ATP11A: variants seen among roughly 807,000 people sequenced by gnomAD.
ATP11A encodes phospholipid-transporting ATPase IH.
Under a neutral mutation model 154.4 loss-of-function variants are expected in ATP11A, and 81 were observed. That is an observed-to-expected ratio of 0.52 (90% CI 0.44 to 0.63). The LOEUF is 0.63. Among genes scored for constraint, ATP11A ranks in the 30% least tolerant of loss-of-function variants. The pLI is 0.00. For synonymous variants in ATP11A, 623 were observed against 585.9 expected, an observed-to-expected ratio of 1.06 and a Z score of -0.91; for missense variants, 1,316 against 1,474.3, an observed-to-expected ratio of 0.89 and a Z score of 1.76.
intron 1 of ATP11A, among the ~76,000 whole-genome samples, chr13:112,721,481 C>T (rs1318213220): frequency 6.6e-6 from 1 of 152,224 alleles, no homozygotes; most frequent in African/African-American, 2.4e-5. Flanking sequence ...GAGGTGGTGT[C>T]ACCCTGGCAG....
intron 5 of ATP11A, among the ~76,000 whole-genome samples, chr13:112,811,063 T>C (rs2078480245): frequency 6.6e-6 from 1 of 152,006 alleles, no homozygotes; most frequent in Admixed American, 6.6e-5. Flanking sequence ...CTTTTTTTTT[T>C]TTTTACCTTT....
Position 112,810,737 on chromosome 13 carries a change from C to T in ATP11A, c.441+11C>T, listed in dbSNP as rs746044804. On this transcript the variant is annotated intron_variant, in intron 5 of 29. Transcript: ENST00000375645. Reference sequence around the variant, plus strand: ...AGTCGAAAGCTGCGAGTAAGTGACACCCGACACATTTACGCTGGTGAAGTC... The same window carrying T: ...AGTCGAAAGCTGCGAGTAAGTGACATCCGACACATTTACGCTGGTGAAGTC... The T allele has an allele frequency of 3.7e-6, 6 of 1,611,482 alleles. No individual in the cohort carries two copies. The African/African-American group carries it at 8.0e-5, about 22-fold the overall frequency.
At position 112,807,289 on chromosome 13, in the gene ATP11A, G is replaced by A. The variant is rs1187226549; in HGVS notation, c.333+996G>A. 6.6e-6 allele frequency among the ~76,000 whole-genome samples: 1 copy of A among 152,222 alleles called. No homozygotes were observed. Among genetic ancestry groups the A allele is most frequent in the Non-Finnish European group, 1.5e-5 (1 of 68,046 alleles). On this transcript the variant is annotated intron_variant, in intron 4 of 29. Coordinates refer to ENST00000375645, the MANE Select transcript of ATP11A (RefSeq NM_015205.3). This position sits in a 1 kb window ranked among gnomAD's most constrained non-coding sequence, Gnocchi z 4.5. ...TGATAAACATGCAGCTGTGCAGTCAGTACATGGGGCCTGTGTGTCTTCACT... is the reference window on the plus strand; with the variant it reads ...TGATAAACATGCAGCTGTGCAGTCAATACATGGGGCCTGTGTGTCTTCACT...
chr13:112,727,666 A>G (rs979561166), intron 1 of ATP11A, among the ~76,000 whole-genome samples: 1 of 152,148 alleles, frequency 6.6e-6, no homozygotes, highest in African/African-American at 2.4e-5. Context: ...CAGGGCCCGC[A>G]CAGGCCCCAT....
chr13:112,768,210 GA>G (rs1278943609), intron 1 of ATP11A, among the ~76,000 whole-genome samples: 1 of 152,242 alleles, frequency 6.6e-6, no homozygotes, highest in African/African-American at 2.4e-5. Context: ...GCCCTGTGAT[GA>G]GCTACATGGG....
At chr13:112,707,154 A>G (rs1887229637) in intron 1 of ATP11A, among the ~76,000 whole-genome samples, 1 of 152,088 alleles carries the variant, frequency 6.6e-6, no homozygotes, top group African/African-American at 2.4e-5. Flanking sequence ...GGTGGCTCAC[A>G]CCTGTAATCC....
chr13:112,776,445 A>G (rs572771607), intron 1 of ATP11A, among the ~76,000 whole-genome samples: 56 of 152,322 alleles, frequency 3.7e-4, no homozygotes, highest in African/African-American at 1.3e-3. Flanking sequence ...CTCAAAAGGC[A>G]GGTGTCTATG....
chr13:112,777,301 C>T (rs1160733199), intron 1 of ATP11A, among the ~76,000 whole-genome samples: 27 of 152,212 alleles, frequency 1.8e-4, no homozygotes, highest in Admixed American at 1.5e-3. Context: ...TGGTGGCTCA[C>T]GCCCGTAATC....
rs1886009788 is a variant in ATP11A at position 112,697,487 on chromosome 13, C to T, written c.39+7032C>T. 6.6e-6 allele frequency among the ~76,000 whole-genome samples: 1 copy of T among 152,126 alleles called. No homozygotes were observed. Among genetic ancestry groups the T allele is most frequent in the Non-Finnish European group, 1.5e-5 (1 of 68,032 alleles). On this transcript the variant is annotated intron_variant, in intron 1 of 29. Transcript: ENST00000375645. This position sits in a 1 kb window ranked among gnomAD's most constrained non-coding sequence, Gnocchi z 4.0. Reference sequence around the variant, plus strand: ...CGGAAGGGAATTCAGGGAGAGCAGCCGCAGTGCCCTGTCCCCAGAGCCTGG... The same window carrying T: ...CGGAAGGGAATTCAGGGAGAGCAGCTGCAGTGCCCTGTCCCCAGAGCCTGG...
At chr13:112,756,831 A>ACGGGGCCTGCTCCCAGCG (rs1470043396) in intron 1 of ATP11A, among the ~76,000 whole-genome samples, 24 of 150,824 alleles carry the variant, frequency 1.6e-4, no homozygotes, top group Middle Eastern at 3.4e-3. Context: ...TGCTCCCAGC[A>ACGGGGCCTGCTCCCAGCG]CGGGGCCTGC....
chr13:112,803,434 C>T (rs1015542917), intron 2 of ATP11A, among the ~76,000 whole-genome samples: 6 of 152,188 alleles, frequency 3.9e-5, no homozygotes, highest in South Asian at 2.1e-4. Context: ...AAATAAGCCC[C>T]GTTGAAGAGA....
chr13:112,721,431 G>A (rs1889166028), intron 1 of ATP11A, among the ~76,000 whole-genome samples: 1 of 152,208 alleles, frequency 6.6e-6, no homozygotes, highest in African/African-American at 2.4e-5. Flanking sequence ...GTGTGCATTT[G>A]GATATGTCGA....
At chr13:112,870,731 C>G (rs1316284877) in intron 25 of ATP11A, among the ~76,000 whole-genome samples, 1 of 152,232 alleles carries the variant, frequency 6.6e-6, no homozygotes, top group African/African-American at 2.4e-5. Context: ...TTCATGGAAT[C>G]CGATAAACTA....
chr13:112,720,907 T>C (rs1040019241), intron 1 of ATP11A, among the ~76,000 whole-genome samples: 1 of 152,166 alleles, frequency 6.6e-6, no homozygotes, highest in Non-Finnish European at 1.5e-5. Flanking sequence ...ACCTCCCTTA[T>C]GTCGTGGCCG....
In ATP11A at chr13:112,871,790, T is replaced by G. The variant is rs1282443011; in HGVS notation, c.3047T>G (p.Val1016Gly). Residue 1016 changes from valine (V) to glycine (G), a missense_variant, in exon 26 of 30, where the codon GTT becomes GGT. This residue lies in a region of ATP11A where 294 missense variants were observed against 290.2 expected (regional missense o/e 1.01). Transcript: ENST00000375645. Reference sequence around the variant, plus strand: ...GTATTCACCGTGATGGTGTTCACAGTTACACTAAAGGTAAGTGGTCTCGCG... The same window carrying G: ...GTATTCACCGTGATGGTGTTCACAGGTACACTAAAGGTAAGTGGTCTCGCG... ...TLVFTVMVFT[V>G]TLKLALDTHY... 6.2e-7 allele frequency: 1 copy of G among 1,614,056 alleles called. No homozygotes were observed. The highest frequency in any genetic ancestry group is 8.5e-7 in the Non-Finnish European group (1 of 1,180,018).
intron 16 of ATP11A, among the ~76,000 whole-genome samples, chr13:112,840,814 C>G (rs2079391867): frequency 6.6e-6 from 1 of 152,182 alleles, no homozygotes; most frequent in South Asian, 2.1e-4. Flanking sequence ...CTCGTCCAAG[C>G]TCCAGGCCTT....
At chr13:112,824,534 A>G in intron 10 of ATP11A, 109 bp downstream of exon 10, 1 of 973,998 alleles carries the variant, frequency 1.0e-6, no homozygotes, top group Non-Finnish European at 1.6e-6. Flanking sequence ...GCCACTGTAC[A>G]GCATCTTAGT....
rs1428104102 is a variant in ATP11A at position 112,878,407 on chromosome 13, A to G, written c.*9+104A>G. 9.5e-6 allele frequency: 12 copies of G among 1,257,750 alleles called. No homozygotes were observed. The Admixed American group carries it at 2.0e-4, about 21-fold the overall frequency. The allele number at this position is 1,257,750 out of a possible 1,614,324, so 77.9% of individuals were successfully genotyped here. A position where few individuals can be genotyped will look rare whatever the true frequency, so the allele number is the denominator to read the frequency against. On this transcript the variant is annotated intron_variant, in intron 29 of 29. Transcript: ENST00000375645. ...GTCCACGTGCTCTGACGCAGCGTCCACCAGGCGCTGGGTACAGCAGCCTCA... is the reference window on the plus strand; with the variant it reads ...GTCCACGTGCTCTGACGCAGCGTCCGCCAGGCGCTGGGTACAGCAGCCTCA...
intron 1 of ATP11A, among the ~76,000 whole-genome samples, chr13:112,705,409 G>A (rs534947126): frequency 3.7e-5 from 5 of 136,388 alleles, no homozygotes; most frequent in African/African-American, 1.5e-4. Flanking sequence ...CATCCCGCAC[G>A]CACTGAGCAG....
Sources: gnomAD v4.1 joint callset for allele counts (sites outside exome capture counted in the v4.1 genomes callset) on GRCh38, gnomAD v4.1.1 for gene constraint, gnomAD v4.1.1 regional missense constraint, Gnocchi (gnomAD v3.1) non-coding constraint, MANE v1.5 for transcripts, NCBI Gene and HGNC (gene_info 2026-07-23, HGNC 2026-07-21) for gene names.